The following SUGCT variants were observed in gnomAD, a reference collection of about 807,000 sequenced individuals.
The protein encoded by SUGCT is succinyl-CoA:glutarate-CoA transferase, also known as succinyl-CoA:glutarate CoA-transferase.
A neutral mutation model predicts 55.0 loss-of-function variants in SUGCT; 41 were observed. The ratio of observed to expected loss-of-function variants is 0.74; its 90% CI spans 0.58 to 0.97. SUGCT has a LOEUF of 0.97. Ranked by LOEUF, SUGCT falls within the 50% of genes least tolerant of loss-of-function variation. SUGCT has a pLI of 0.00. For missense variants in SUGCT, 568 were observed against 547.8 expected, an observed-to-expected ratio of 1.04 and a Z score of -0.37; for synonymous variants, 187 against 200.4, an observed-to-expected ratio of 0.93 and a Z score of 0.56.
chr7:40,860,363 C>T lies in SUGCT; in HGVS notation c.1201C>T (p.Pro401Ser). Residue 401 changes from proline (P) to serine (S), a missense_variant, in exon 14 of 14, where the codon CCC (proline) becomes TCC (serine). Coordinates refer to ENST00000335693, the MANE Select transcript of SUGCT (RefSeq NM_001193313.2). ...GTTCAAGATGTCAGAGGCCAGGCCGCCCCCGCTGCTCGGGCAGCACACAAC... is the reference window on the plus strand; with the variant it reads ...GTTCAAGATGTCAGAGGCCAGGCCGTCCCCGCTGCTCGGGCAGCACACAAC... Reference protein sequence around the residue: ...SKFKMSEARPPPLLGQHTTHI... With the variant: ...SKFKMSEARPSPLLGQHTTHI... 1 of 1,613,968 alleles carries T rather than the reference C, an allele frequency of 6.2e-7. No individual in the cohort carries two copies. The highest frequency in any genetic ancestry group is 8.5e-7 in the Non-Finnish European group (1 of 1,179,856).
At chr7:40,181,204 T>G (rs564559595) in intron 2 of SUGCT, among the ~76,000 whole-genome samples, 1 of 152,298 alleles carries the variant, frequency 6.6e-6, no homozygotes, top group East Asian at 1.9e-4. Context: ...TATTTATATA[T>G]AATCTTAAAA....
Position 40,781,037 on chromosome 7 carries a change from A to G in SUGCT, c.1153+31540A>G, listed in dbSNP as rs530712407. Among the ~76,000 whole-genome samples, 14 of 152,266 alleles carry G rather than the reference A, an allele frequency of 9.2e-5. No homozygotes were observed. The South Asian group carries it at 2.9e-3, about 32-fold the overall frequency. ...TTGGGTTCCTCATGTGGTTAACTTT[A>G]CCTATTTTTGATGTCACATGGGCTT... On this transcript the variant is annotated intron_variant, in intron 13 of 13. Transcript: ENST00000335693.
intron 13 of SUGCT, among the ~76,000 whole-genome samples, chr7:40,818,405 C>G (rs73125791): frequency 0.17 from 25,413 of 152,206 alleles, 2,585 homozygotes; most frequent in East Asian, 0.42. Flanking sequence ...TTGCCTCACC[C>G]CCCTGGGGCC....
chr7:40,295,601 A>G (rs1794084847), intron 8 of SUGCT, among the ~76,000 whole-genome samples: 1 of 151,838 alleles, frequency 6.6e-6, no homozygotes, highest in Non-Finnish European at 1.5e-5. Flanking sequence ...AAACAAATAA[A>G]AGAAAAAATC....
chr7:40,500,570 C>G (rs576540534), intron 12 of SUGCT, among the ~76,000 whole-genome samples: 2 of 152,270 alleles, frequency 1.3e-5, no homozygotes, highest in East Asian at 3.9e-4. Flanking sequence ...CATTACAACC[C>G]CTTTAGCAAA....
chr7:40,184,132 G>T (rs113689156), intron 3 of SUGCT, among the ~76,000 whole-genome samples: 1 of 151,926 alleles, frequency 6.6e-6, no homozygotes, highest in Admixed American at 6.6e-5. Flanking sequence ...TCGAGACCAT[G>T]CCATTGCACC....
intron 11 of SUGCT, among the ~76,000 whole-genome samples, chr7:40,477,797 A>G (rs947096895): frequency 3.3e-5 from 5 of 152,186 alleles, no homozygotes; most frequent in Non-Finnish European, 7.4e-5. Flanking sequence ...GTAGGCTTGT[A>G]TATTCTGGCG....
intron 13 of SUGCT, among the ~76,000 whole-genome samples, chr7:40,842,384 T>A (rs1233461369): frequency 6.6e-6 from 1 of 152,168 alleles, no homozygotes; most frequent in Non-Finnish European, 1.5e-5. Flanking sequence ...AGTCTGACAG[T>A]GTTTTCCTGA....
At chr7:40,520,295 G>A (rs2151572855) in intron 12 of SUGCT, among the ~76,000 whole-genome samples, 1 of 152,224 alleles carries the variant, frequency 6.6e-6, no homozygotes, top group Middle Eastern at 3.4e-3. Context: ...AGATGGGACA[G>A]GTTAAATAAA....
At chr7:40,343,496 A>G (rs1797155567) in intron 9 of SUGCT, among the ~76,000 whole-genome samples, 1 of 151,992 alleles carries the variant, frequency 6.6e-6, no homozygotes, top group Non-Finnish European at 1.5e-5. Context: ...AGAAAAACGA[A>G]CCCTAGATAT....
intron 12 of SUGCT, among the ~76,000 whole-genome samples, chr7:40,657,308 G>A (rs1287829745): frequency 1.3e-5 from 2 of 152,092 alleles, no homozygotes; most frequent in Admixed American, 6.5e-5. Flanking sequence ...CATCCCAGAA[G>A]TAATTTTTCC....
At chr7:40,575,121 G>GC (rs990299147) in intron 12 of SUGCT, among the ~76,000 whole-genome samples, 2 of 149,660 alleles carry the variant, frequency 1.3e-5, no homozygotes, top group African/African-American at 5.0e-5. Flanking sequence ...GAGGGTGGCG[G>GC]GGGTGGGGGT....
intron 3 of SUGCT, among the ~76,000 whole-genome samples, chr7:40,182,551 G>A (rs1358625225): frequency 1.4e-5 from 2 of 139,318 alleles, no homozygotes; most frequent in Non-Finnish European, 3.0e-5. Context: ...AACAGAGCAA[G>A]ACTCCGTTTC....
intron 12 of SUGCT, among the ~76,000 whole-genome samples, chr7:40,620,886 C>G (rs1299812048): frequency 6.6e-6 from 1 of 152,132 alleles, no homozygotes; most frequent in Non-Finnish European, 1.5e-5. Context: ...GAAACTTCAT[C>G]TATCTTTAGG....
At chr7:40,761,305 G>T (rs1788520109) in intron 13 of SUGCT, among the ~76,000 whole-genome samples, 1 of 152,178 alleles carries the variant, frequency 6.6e-6, no homozygotes, top group Admixed American at 6.5e-5. Flanking sequence ...AGTCAATGGA[G>T]ACCACGCAGT....
At chr7:40,408,188 T>C (rs1471658202) in intron 9 of SUGCT, among the ~76,000 whole-genome samples, 2 of 152,210 alleles carry the variant, frequency 1.3e-5, no homozygotes, top group Non-Finnish European at 2.9e-5. Context: ...TTGGTTAATG[T>C]ATAATGCATA....
chr7:40,394,999 T>C (rs1484282453), intron 9 of SUGCT, among the ~76,000 whole-genome samples: 4 of 152,218 alleles, frequency 2.6e-5, no homozygotes, highest in Non-Finnish European at 5.9e-5. Context: ...GGACACAAAT[T>C]TGAATTCCTT....
At chr7:40,428,372 A>G (rs1255823953) in intron 9 of SUGCT, among the ~76,000 whole-genome samples, 4 of 152,200 alleles carry the variant, frequency 2.6e-5, no homozygotes, top group African/African-American at 9.6e-5. Flanking sequence ...ATTGACATTT[A>G]AAGTAATTAC....
rs1389142768 is a variant in SUGCT at position 40,305,233 on chromosome 7, C to T, written c.721-11527C>T. Among the ~76,000 whole-genome samples the T allele has an allele frequency of 2.0e-5, 3 of 152,344 alleles. No individual in the cohort carries two copies. In the East Asian group the frequency reaches 5.8e-4, roughly 29 times the overall value. On this transcript the variant is annotated intron_variant, in intron 8 of 13. Transcript: ENST00000335693. ...CAAATTTCAGCCTGACCTTCTCATT[C>T]TGTGGAGATGCTTTTCTACTATTGT...
Sources: gnomAD v4.1 joint callset for allele counts (sites outside exome capture counted in the v4.1 genomes callset) on GRCh38, gnomAD v4.1.1 for gene constraint, MANE v1.5 for transcripts, NCBI Gene and HGNC (gene_info 2026-07-23, HGNC 2026-07-21) for gene names.